OSBPL3: variants seen among roughly 807,000 people sequenced by gnomAD.
OSBPL3 encodes the protein oxysterol-binding protein-related protein 3.
In OSBPL3, 65 loss-of-function variants were observed where a neutral mutation model predicts 120.1. That is an observed-to-expected ratio of 0.54 (90% CI 0.44 to 0.67). The LOEUF is 0.67. OSBPL3 is among the 30% of genes least tolerant of loss of function. OSBPL3 has a pLI of 0.00. For synonymous variants in OSBPL3, 416 were observed against 402.6 expected, an observed-to-expected ratio of 1.03 and a Z score of -0.40; for missense variants, 1,004 against 1,082.1, an observed-to-expected ratio of 0.93 and a Z score of 1.01.
Position 24,862,969 on chromosome 7 carries a change from C to A in OSBPL3, c.870+231G>T, listed in dbSNP as rs1000056639. Among the ~76,000 whole-genome samples, 1 of 152,220 alleles carries A rather than the reference C, an allele frequency of 6.6e-6. No individual in the cohort carries two copies. Among genetic ancestry groups the A allele is most frequent in the Non-Finnish European group, 1.5e-5 (1 of 68,032 alleles). On this transcript the variant is annotated intron_variant, in intron 9 of 22. Coordinates refer to ENST00000313367, the MANE Select transcript of OSBPL3 (RefSeq NM_015550.4). The surrounding 1 kb of genome is among the most constrained non-coding windows in gnomAD (Gnocchi z 4.4). Reference sequence around the variant, plus strand: ...GCAGCAGTCCCTGCGACCTCACACCCTTTTTCCCTTAGAAAAAATTCTCTC... The same window carrying A: ...GCAGCAGTCCCTGCGACCTCACACCATTTTTCCCTTAGAAAAAATTCTCTC...
chr7:24,974,091 A>G (rs886229436), intron 1 of OSBPL3, among the ~76,000 whole-genome samples: 1 of 152,238 alleles, frequency 6.6e-6, no homozygotes, highest in Non-Finnish European at 1.5e-5. Context: ...TTTGAAACTC[A>G]GTGTATGTGT....
chr7:24,803,630 G>A lies in OSBPL3; in HGVS notation c.2567+685C>T, dbSNP rs921031147. Reference sequence around the variant, plus strand: ...TACTAAAAATACAAAAATTAGCCGGGCATGGTGGCACGCGCCTGTAGTCCC... The same window carrying A: ...TACTAAAAATACAAAAATTAGCCGGACATGGTGGCACGCGCCTGTAGTCCC... On this transcript the variant is annotated intron_variant, in intron 22 of 22. Transcript: ENST00000313367. This position sits in a 1 kb window ranked among gnomAD's most constrained non-coding sequence, Gnocchi z 4.2. 6.6e-6 allele frequency among the ~76,000 whole-genome samples: 1 copy of A among 152,102 alleles called. No individual in the cohort carries two copies. Among genetic ancestry groups the A allele is most frequent in the Non-Finnish European group, 1.5e-5 (1 of 68,022 alleles).
In OSBPL3 at chr7:24,952,688, A is replaced by G. The variant is rs997574957; in HGVS notation, c.-150+27198T>C. ...CTTAACTGTGCATTACATCAACTCT[A>G]TAGAGATTATGGTAAGGTTATTTCC... On this transcript the variant is annotated intron_variant, in intron 1 of 22. Coordinates refer to ENST00000313367, the MANE Select transcript of OSBPL3 (RefSeq NM_015550.4). This position sits in a 1 kb window ranked among gnomAD's most constrained non-coding sequence, Gnocchi z 4.4. Among the ~76,000 whole-genome samples the G allele has an allele frequency of 6.6e-6, 1 of 152,182 alleles. No individual in the cohort carries two copies. Among genetic ancestry groups the G allele is most frequent in the Non-Finnish European group, 1.5e-5 (1 of 68,026 alleles).
At chr7:24,857,052 G>C (rs975343452) in intron 10 of OSBPL3, among the ~76,000 whole-genome samples, 4 of 152,016 alleles carry the variant, frequency 2.6e-5, no homozygotes, top group South Asian at 4.1e-4. Context: ...ATCTCTTTTA[G>C]CTTTTTAATC....
chr7:24,818,971 T>C lies in OSBPL3; in HGVS notation c.1948+1204A>G, dbSNP rs1794792617. Among the ~76,000 whole-genome samples, 1 of 152,090 alleles carries C rather than the reference T, an allele frequency of 6.6e-6. No homozygotes were observed. The highest frequency in any genetic ancestry group is 2.4e-5 in the African/African-American group (1 of 41,408). On this transcript the variant is annotated intron_variant, in intron 17 of 22. Transcript: ENST00000313367. This position sits in a 1 kb window ranked among gnomAD's most constrained non-coding sequence, Gnocchi z 4.0. ...CTCGCATTAAAAAAAAATCCAACTT[T>C]TGGCTGGGCGCAGTGGCTCATGCCT... is the stretch of plus-strand genomic sequence containing the variant.
chr7:24,980,422 G>A (rs1190415970), upstream of OSBPL3, among the ~76,000 whole-genome samples: 2 of 152,118 alleles, frequency 1.3e-5, no homozygotes, highest in African/African-American at 4.8e-5. Flanking sequence ...TTGGGAGGGC[G>A]GAGGGAGGCG....
chr7:24,979,383 G>A (rs1420372896), intron 1 of OSBPL3, among the ~76,000 whole-genome samples: 1 of 152,172 alleles, frequency 6.6e-6, no homozygotes, highest in Non-Finnish European at 1.5e-5. Flanking sequence ...CCCAGCACCG[G>A]GGAGCTGAGC....
intron 14 of OSBPL3, among the ~76,000 whole-genome samples, chr7:24,839,784 T>A (rs552723177): frequency 6.5e-4 from 98 of 149,784 alleles, no homozygotes; most frequent in African/African-American, 2.4e-3. Flanking sequence ...ACGTCAGGAG[T>A]TCAAGACCAG....
rs1004562295 is a variant in OSBPL3 at position 24,900,856 on chromosome 7, G to A, written c.-149-8235C>T. On this transcript the variant is annotated intron_variant, in intron 1 of 22. Coordinates refer to ENST00000313367, the MANE Select transcript of OSBPL3 (RefSeq NM_015550.4). The surrounding 1 kb of genome is among the most constrained non-coding windows in gnomAD (Gnocchi z 4.5). ...TAAGTGCGGATTTTGCCATTGGCACGAACCTAATACAAAAATTAGCTAGGC... is the reference window on the plus strand; with the variant it reads ...TAAGTGCGGATTTTGCCATTGGCACAAACCTAATACAAAAATTAGCTAGGC... Among the ~76,000 whole-genome samples, 6 of 152,040 alleles carry A rather than the reference G, an allele frequency of 3.9e-5. No homozygotes were observed. Among genetic ancestry groups the A allele is most frequent in the African/African-American group, 9.7e-5 (4 of 41,398 alleles).
At position 24,821,062 on chromosome 7, in the gene OSBPL3, G is replaced by A. The variant is rs546586419; in HGVS notation, c.1885-824C>T. ...CTCATCTCAGTCACACTCAGGGAAC[G>A]TTGAGAGGTGTATATGCTGTCATTC... On this transcript the variant is annotated intron_variant, in intron 16 of 22. Coordinates refer to ENST00000313367, the MANE Select transcript of OSBPL3 (RefSeq NM_015550.4). The surrounding 1 kb of genome is among the most constrained non-coding windows in gnomAD (Gnocchi z 5.5). Among the ~76,000 whole-genome samples the A allele has an allele frequency of 1.3e-5, 2 of 152,316 alleles. No individual in the cohort carries two copies. Among genetic ancestry groups the A allele is most frequent in the East Asian group, 3.9e-4 (2 of 5,184 alleles).
chr7:24,910,081 C>T (rs1808604623), intron 1 of OSBPL3, among the ~76,000 whole-genome samples: 1 of 152,046 alleles, frequency 6.6e-6, no homozygotes, highest in Non-Finnish European at 1.5e-5. Flanking sequence ...GCTGAGATTA[C>T]AGGTGTGAGC....
Position 24,808,441 on chromosome 7 carries a change from G to C in OSBPL3, c.2317+1366C>G, listed in dbSNP as rs1793342764. ...ATTTAAACAGTGTTGCTTTATCAAG[G>C]TGGTACTTTAACACTGAGACAGGAT... On this transcript the variant is annotated intron_variant, in intron 20 of 22. Transcript: ENST00000313367. The surrounding 1 kb of genome is among the most constrained non-coding windows in gnomAD (Gnocchi z 4.6). 6.6e-6 allele frequency among the ~76,000 whole-genome samples: 1 copy of C among 152,194 alleles called. No individual in the cohort carries two copies. Among genetic ancestry groups the C allele is most frequent in the Non-Finnish European group, 1.5e-5 (1 of 68,046 alleles).
rs1805351880 is a variant in OSBPL3, at chr7:24,891,510, G to A, written c.96+867C>T. The stretch of plus-strand genomic sequence containing the variant: ...GATTTCTCAGGCCAGCACTTCCCAT[G>A]AGGAAAAGGAAATGCCAACAGAAGC... On this transcript the variant is annotated intron_variant, in intron 2 of 22. Transcript: ENST00000313367. The surrounding 1 kb of genome is among the most constrained non-coding windows in gnomAD (Gnocchi z 4.1). 6.6e-6 allele frequency among the ~76,000 whole-genome samples: 1 copy of A among 152,200 alleles called. No individual in the cohort carries two copies. Among genetic ancestry groups the A allele is most frequent in the African/African-American group, 2.4e-5 (1 of 41,442 alleles).
chr7:24,834,496 A>G lies in OSBPL3; in HGVS notation c.1736T>C (p.Leu579Pro). The change falls in exon 15 of 23, where the codon CTG (leucine) becomes CCG (proline). Residue 579 changes from leucine to proline, a missense_variant. Coordinates refer to ENST00000313367, the MANE Select transcript of OSBPL3 (RefSeq NM_015550.4). This position sits in a 1 kb window ranked among gnomAD's most constrained non-coding sequence, Gnocchi z 5.2. ...AGGCTGACTCCTCACCATCCTTTCC[A>G]GGGGGCTGGGAATCTGCGCGGCCTT... is the stretch of plus-strand genomic sequence containing the variant. ...LDKAAQIPSP[L>P]ERMVYVAAFA... The G allele has an allele frequency of 6.2e-7, 1 of 1,609,990 alleles. No individual in the cohort carries two copies. Among genetic ancestry groups the G allele is most frequent in the Non-Finnish European group, 8.5e-7 (1 of 1,177,516 alleles).
intron 1 of OSBPL3, among the ~76,000 whole-genome samples, chr7:24,925,069 C>T (rs1355751051): frequency 6.6e-6 from 1 of 152,238 alleles, no homozygotes; most frequent in Non-Finnish European, 1.5e-5. Flanking sequence ...ATTCAAAAAA[C>T]GTTACTAAAG....
chr7:24,962,711 C>T (rs1302423583), intron 1 of OSBPL3, among the ~76,000 whole-genome samples: 2 of 152,186 alleles, frequency 1.3e-5, no homozygotes, highest in Non-Finnish European at 2.9e-5. Context: ...TAAGACATGG[C>T]AAGAAACAGG....
In OSBPL3 at chr7:24,827,821, T is replaced by C. The variant is rs1198650001; in HGVS notation, c.1884+2947A>G. Among the ~76,000 whole-genome samples the C allele has an allele frequency of 6.6e-6, 1 of 152,186 alleles. No homozygotes were observed. The highest frequency in any genetic ancestry group is 6.5e-5 in the Admixed American group (1 of 15,286). Reference sequence around the variant, plus strand: ...CCATGGTGAAGCCAGCTGTGAGAACTCCTGGCTGCCTGACAGCCATTTTCT... The same window carrying C: ...CCATGGTGAAGCCAGCTGTGAGAACCCCTGGCTGCCTGACAGCCATTTTCT... On this transcript the variant is annotated intron_variant, in intron 16 of 22. Coordinates refer to ENST00000313367, the MANE Select transcript of OSBPL3 (RefSeq NM_015550.4). The surrounding 1 kb of genome is among the most constrained non-coding windows in gnomAD (Gnocchi z 5.1).
chr7:24,831,468 T>C lies in OSBPL3; in HGVS notation c.1747-563A>G, dbSNP rs1279167782. Among the ~76,000 whole-genome samples the C allele has an allele frequency of 6.6e-6, 1 of 151,996 alleles. No individual in the cohort carries two copies. Among genetic ancestry groups the C allele is most frequent in the Non-Finnish European group, 1.5e-5 (1 of 67,944 alleles). Reference sequence around the variant, plus strand: ...GATATAGTGACTTTAAAGTTCTGCTTTTTTGGGAGGAAAAGTGAAACATCC... The same window carrying C: ...GATATAGTGACTTTAAAGTTCTGCTCTTTTGGGAGGAAAAGTGAAACATCC... On this transcript the variant is annotated intron_variant, in intron 15 of 22. Transcript: ENST00000313367. This position sits in a 1 kb window ranked among gnomAD's most constrained non-coding sequence, Gnocchi z 4.0.
rs996093653 is a variant in OSBPL3 at position 24,851,415 on chromosome 7, A to G, written c.1158+1089T>C. On this transcript the variant is annotated intron_variant, in intron 11 of 22. Transcript: ENST00000313367. The surrounding 1 kb of genome is among the most constrained non-coding windows in gnomAD (Gnocchi z 4.1). ...ACTCCTTACATATTCTACAACAACT[A>G]TATGTGCTACTGGCAGAGGATTTAT... 3.3e-5 allele frequency among the ~76,000 whole-genome samples: 5 copies of G among 152,206 alleles called. No homozygotes were observed. The highest frequency in any genetic ancestry group is 7.2e-5 in the African/African-American group (3 of 41,456).
Sources: gnomAD v4.1 joint callset for allele counts (sites outside exome capture counted in the v4.1 genomes callset) on GRCh38, gnomAD v4.1.1 for gene constraint, Gnocchi (gnomAD v3.1) non-coding constraint, MANE v1.5 for transcripts, NCBI Gene and HGNC (gene_info 2026-07-23, HGNC 2026-07-21) for gene names.